The following ADGRE2 variants were observed in gnomAD, a reference collection of about 807,000 sequenced individuals.
ADGRE2 encodes adhesion G protein-coupled receptor E2.
In ADGRE2, 83 loss-of-function variants were observed where a neutral mutation model predicts 100.8. The observed-to-expected ratio is 0.82, with a 90% CI of 0.69 to 0.99. ADGRE2 has a LOEUF of 0.99. Ranked by LOEUF, ADGRE2 falls within the 50% of genes least tolerant of loss-of-function variation. The pLI, the probability that ADGRE2 is intolerant of heterozygous loss-of-function variation, is 0.00. For synonymous variants in ADGRE2, 355 were observed against 413.0 expected (o/e 0.86, Z 1.70); for missense variants, 814 against 1,035.7 (o/e 0.79, Z 2.94).
At chr19:14,753,115 A>T in intron 14 of ADGRE2, among the ~76,000 whole-genome samples, 1 of 151,474 alleles carries the variant, frequency 6.6e-6, no homozygotes. Context: ...TCTGTGTTGC[A>T]CAGGCTGGTC....
intron 13 of ADGRE2, among the ~76,000 whole-genome samples, chr19:14,755,367 C>T (rs1260184273): frequency 6.6e-6 from 1 of 152,024 alleles, no homozygotes. Flanking sequence ...GCAGGAGAAT[C>T]GCTCGAACCT....
In ADGRE2 at chr19:14,752,593, T is replaced by C. The variant is rs1015245738; in HGVS notation, c.1591-67A>G. The C allele has an allele frequency of 1.7e-5, 27 of 1,546,822 alleles. No homozygotes were observed. In the African/African-American group the frequency reaches 3.7e-4, roughly 21 times the overall value. ...CTCTGGGGTAATGACCCCACCACCATTTAAAATTTTTACTTTGGCATAGCA... is the reference window on the plus strand; with the variant it reads ...CTCTGGGGTAATGACCCCACCACCACTTAAAATTTTTACTTTGGCATAGCA... On this transcript the variant is annotated intron_variant, in intron 14 of 20. Coordinates refer to ENST00000315576, the MANE Select transcript of ADGRE2 (RefSeq NM_013447.4).
intron 13 of ADGRE2, 96 bp from the exon 14 acceptor site, chr19:14,755,223 C>T: frequency 5.6e-6 from 7 of 1,248,012 alleles, no homozygotes; most frequent in Middle Eastern, 2.7e-4. Flanking sequence ...CACTTGAGGT[C>T]AGGAGTTTGA....
In ADGRE2 at chr19:14,743,648, T is replaced by C; in HGVS notation, c.2320A>G (p.Ile774Val). The change falls in exon 19 of 21, where the codon ATC becomes GTC. Residue 774 changes from isoleucine to valine, a missense_variant. Physicochemically the swap from Ile to Val is conservative, Grantham distance 29. This residue lies in a region of ADGRE2 where 569 missense variants were observed against 692.7 expected (regional missense o/e 0.82). Coordinates refer to ENST00000315576, the MANE Select transcript of ADGRE2 (RefSeq NM_013447.4). ...TIINSLQGVFIFLVYCLLSQQ... is the reference protein window; with the variant it reads ...TIINSLQGVFVFLVYCLLSQQ... ...CTGAGGAGGCAGTACACCAGGAAGA[T>C]GAAGACACCCTGCAGGCTGTTGATG... is the stretch of plus-strand genomic sequence containing the variant. The C allele has an allele frequency of 6.2e-7, 1 of 1,614,026 alleles. No homozygotes were observed. The highest frequency in any genetic ancestry group is 1.1e-5 in the South Asian group (1 of 91,068).
rs73519916 is a variant in ADGRE2, at chr19:14,762,551, A to G, written c.1084+1882T>C. 2.4e-3 allele frequency among the ~76,000 whole-genome samples: 366 copies of G among 152,264 alleles called. 2 individuals are homozygous for G. Among genetic ancestry groups the G allele is most frequent in the African/African-American group, 8.2e-3 (339 of 41,546 alleles). ...ACTTTTGGGCTGATGCAAGCATTTT[A>G]GAAATAGAGGTGACGGTTGTATAAC... On this transcript the variant is annotated intron_variant, in intron 11 of 20. Coordinates refer to ENST00000315576, the MANE Select transcript of ADGRE2 (RefSeq NM_013447.4).
intron 16 of ADGRE2, among the ~76,000 whole-genome samples, chr19:14,747,894 T>C (rs1295453095): frequency 6.6e-6 from 1 of 152,234 alleles, no homozygotes. Context: ...ACGTTTTGTT[T>C]ATTCATTCAT....
chr19:14,739,925 AC>A (rs1233184570), intron 20 of ADGRE2, among the ~76,000 whole-genome samples: 2 of 152,124 alleles, frequency 1.3e-5, no homozygotes, highest in African/African-American at 2.4e-5. Flanking sequence ...ACATGGTGAA[AC>A]CCTGTCTCTA....
intron 16 of ADGRE2, among the ~76,000 whole-genome samples, chr19:14,748,078 T>G (rs8108387): frequency 6.6e-6 from 1 of 151,742 alleles, no homozygotes; most frequent in Non-Finnish European, 1.5e-5. Context: ...TTCGTCACCC[T>G]GGTCATCAGC....
At chr19:14,775,594 C>T (rs966681777) in intron 2 of ADGRE2, among the ~76,000 whole-genome samples, 6 of 152,002 alleles carry the variant, frequency 3.9e-5, no homozygotes, top group Non-Finnish European at 7.4e-5. Flanking sequence ...CACGGTGGCT[C>T]GGGACTGTAA....
chr19:14,724,855 G>T, the ADGRE2 span, among the ~76,000 whole-genome samples: 2 of 152,084 alleles, frequency 1.3e-5, no homozygotes, highest in African/African-American at 4.8e-5. Context: ...AATTCTTTCC[G>T]TGAAAATATT....
chr19:14,737,215 C>A (rs910412189), intron 20 of ADGRE2, among the ~76,000 whole-genome samples: 1 of 149,430 alleles, frequency 6.7e-6, no homozygotes, highest in African/African-American at 2.5e-5. Context: ...AGAGACAGGG[C>A]CTTGCTCTGT....
intron 20 of ADGRE2, among the ~76,000 whole-genome samples, chr19:14,736,918 T>TATATATATTTAATATCTATATATTTAGAA (rs1555779817): frequency 0.11 from 14,387 of 128,602 alleles, 1,032 homozygotes; most frequent in Non-Finnish European, 0.16. Context: ...TATTTAGAAA[T>TATATATATTTAATATCTATATATTTAGAA]ATATATATAT....
intron 11 of ADGRE2, among the ~76,000 whole-genome samples, chr19:14,759,503 A>AT (rs368205522): frequency 7.2e-4 from 96 of 133,368 alleles, no homozygotes; most frequent in African/African-American, 1.9e-3. Flanking sequence ...ATATATATAT[A>AT]TTTTTTTTTT....
chr19:14,730,089 G>T (rs1005700644), downstream of ADGRE2, among the ~76,000 whole-genome samples: 3 of 152,164 alleles, frequency 2.0e-5, no homozygotes, highest in African/African-American at 7.2e-5. Flanking sequence ...GTCTCGCTCT[G>T]TCACCCAGGC....
intron 11 of ADGRE2, among the ~76,000 whole-genome samples, chr19:14,760,762 C>G (rs1328263148): frequency 1.3e-5 from 2 of 152,104 alleles, no homozygotes; most frequent in Non-Finnish European, 2.9e-5. Context: ...GTGTCATGCC[C>G]TCCTCCCTTT....
At chr19:14,731,186 A>T (rs2042668419), downstream of ADGRE2, 2 of 1,534,134 alleles carry the variant, frequency 1.3e-6, no homozygotes, top group Non-Finnish European at 1.7e-6. Flanking sequence ...CACCCAACTA[A>T]TTTGGAAGAA....
chr19:14,776,924 G>A lies in ADGRE2; in HGVS notation c.-168C>T. The A allele has an allele frequency of 4.1e-6, 6 of 1,472,862 alleles. No individual in the cohort carries two copies. The highest frequency in any genetic ancestry group is 4.0e-4 in the Middle Eastern group (2 of 5,048). The allele number at this position is 1,472,862 out of a possible 1,614,324, so 91.2% of individuals were successfully genotyped here. A position where few individuals can be genotyped will look rare whatever the true frequency, so the allele number is the denominator to read the frequency against. On this transcript the variant is annotated 5_prime_UTR_variant, in exon 2 of 21. Transcript: ENST00000315576. Reference sequence around the variant, plus strand: ...CAGGGCCCTCCCCGGAACTGGCGGTGCAGCTGGAAGCCAGCAGGAAAGCAC... The same window carrying A: ...CAGGGCCCTCCCCGGAACTGGCGGTACAGCTGGAAGCCAGCAGGAAAGCAC...
intron 1 of ADGRE2, 154 bp from the exon 2 acceptor site, chr19:14,777,081 A>T (rs1051649978): frequency 1.0e-6 from 1 of 985,092 alleles, no homozygotes; most frequent in Admixed American, 6.2e-5. Context: ...AGTTTCCACC[A>T]TGTGGCTCTG....
chr19:14,729,079 G>C (rs2042651487), downstream of ADGRE2, among the ~76,000 whole-genome samples: 1 of 152,174 alleles, frequency 6.6e-6, no homozygotes, highest in Non-Finnish European at 1.5e-5. Context: ...GTGACCGAGG[G>C]AACAGATGTG....
Sources: allele counts gnomAD v4.1 joint callset (sites outside exome capture counted in the v4.1 genomes callset), GRCh38; gene constraint gnomAD v4.1.1; regional missense constraint gnomAD v4.1.1; transcripts MANE v1.5; gene names NCBI Gene and HGNC (gene_info 2026-07-23, HGNC 2026-07-21).